The following ERC2 variants were observed in gnomAD, a reference collection of about 807,000 sequenced individuals.
ERC2 encodes ELKS/RAB6-interacting/CAST family member 2.
A neutral mutation model predicts 114.8 loss-of-function variants in ERC2; 42 were observed. The observed-to-expected ratio is 0.37, with a 90% CI of 0.29 to 0.47. The LOEUF is 0.47. Ranked by LOEUF, ERC2 falls within the 20% of genes least tolerant of loss-of-function variation. The pLI is 0.99. For synonymous variants in ERC2, 454 were observed against 425.5 expected (o/e 1.07, Z -0.82); for missense variants, 939 against 1,150.7 (o/e 0.82, Z 2.66).
chr3:55,849,287 A>C (rs559506515), intron 14 of ERC2, among the ~76,000 whole-genome samples: 82 of 152,190 alleles, frequency 5.4e-4, no homozygotes, highest in Non-Finnish European at 7.3e-4. Context: ...TGATCTGGAC[A>C]TGTAGGAAGT....
intron 4 of ERC2, 23 bp from the exon 5 acceptor site, chr3:56,149,155 A>G (rs1366364537): frequency 5.9e-6 from 9 of 1,524,988 alleles, no homozygotes; most frequent in Non-Finnish European, 7.9e-6. Flanking sequence ...AAGAAAAGAA[A>G]AAGAAAAATA....
chr3:55,739,568 G>A (rs1230247315), intron 14 of ERC2, among the ~76,000 whole-genome samples: 1 of 150,092 alleles, frequency 6.7e-6, no homozygotes, highest in Non-Finnish European at 1.5e-5. Flanking sequence ...CTTTTGAGAA[G>A]TGTCTGTTCA....
chr3:56,357,724 A>G (rs188954171), intron 2 of ERC2, among the ~76,000 whole-genome samples: 1 of 150,634 alleles, frequency 6.6e-6, no homozygotes, highest in East Asian at 1.9e-4. Flanking sequence ...AAAACGCCTG[A>G]TTTCATATTC....
chr3:56,053,936 C>T (rs956210086), intron 7 of ERC2, among the ~76,000 whole-genome samples: 9 of 152,050 alleles, frequency 5.9e-5, no homozygotes, highest in Non-Finnish European at 8.8e-5. Context: ...GATACAAAGA[C>T]GCAGACAGAC....
chr3:55,728,023 A>G (rs2065027430), intron 15 of ERC2, among the ~76,000 whole-genome samples: 1 of 152,146 alleles, frequency 6.6e-6, no homozygotes, highest in African/African-American at 2.4e-5. Context: ...TGGGGTGAGA[A>G]TTATGAGGCT....
chr3:56,179,677 C>T (rs2083181565), intron 3 of ERC2, among the ~76,000 whole-genome samples: 1 of 151,424 alleles, frequency 6.6e-6, no homozygotes, highest in Non-Finnish European at 1.5e-5. Flanking sequence ...AAGATGGCTC[C>T]AAGCCTCTTA....
chr3:56,425,509 C>G lies in ERC2; in HGVS notation c.657+8842G>C, dbSNP rs2061533264. Reference sequence around the variant, plus strand: ...GTAACCCCAAACTCCACACTTGATCCTTTCTGCAATTTTGTTACAAGAACT... The same window carrying G: ...GTAACCCCAAACTCCACACTTGATCGTTTCTGCAATTTTGTTACAAGAACT... On this transcript the variant is annotated intron_variant, in intron 2 of 17. Coordinates refer to ENST00000288221, the MANE Select transcript of ERC2 (RefSeq NM_015576.3). 2.6e-5 allele frequency among the ~76,000 whole-genome samples: 4 copies of G among 151,162 alleles called. No individual in the cohort carries two copies. The South Asian group carries it at 8.4e-4, about 32-fold the overall frequency.
At chr3:55,672,842 C>A (rs1450593290) in intron 17 of ERC2, among the ~76,000 whole-genome samples, 1 of 152,162 alleles carries the variant, frequency 6.6e-6, no homozygotes, top group Admixed American at 6.5e-5. Context: ...CATAAAGCTC[C>A]TGCAGGCTTC....
chr3:55,681,824 G>A (rs910651905), intron 17 of ERC2, among the ~76,000 whole-genome samples: 9 of 152,158 alleles, frequency 5.9e-5, no homozygotes, highest in Middle Eastern at 3.2e-3. Context: ...GATTTCCTAC[G>A]GGTCTTGGAG....
rs901580449 is a variant in ERC2 at position 55,993,206 on chromosome 3, T to G, written c.2062-956A>C. Among the ~76,000 whole-genome samples the G allele has an allele frequency of 2.0e-5, 3 of 152,320 alleles. No individual in the cohort carries two copies. The South Asian group carries it at 6.2e-4, about 32-fold the overall frequency. ...GCAGGCAGGGAAAAAACAAGTAGTT[T>G]ATACAACAGTGCACATTCAACATAG... On this transcript the variant is annotated intron_variant, in intron 10 of 17. Coordinates refer to ENST00000288221, the MANE Select transcript of ERC2 (RefSeq NM_015576.3).
chr3:55,990,573 C>T (rs559175202), intron 11 of ERC2, among the ~76,000 whole-genome samples: 227 of 152,184 alleles, frequency 1.5e-3, no homozygotes, highest in African/African-American at 4.9e-3. Flanking sequence ...CACAGGCACA[C>T]ATTACCATAC....
At chr3:55,739,879 T>C (rs961992958) in intron 14 of ERC2, among the ~76,000 whole-genome samples, 8 of 152,196 alleles carry the variant, frequency 5.3e-5, no homozygotes, top group Non-Finnish European at 1.0e-4. Flanking sequence ...CTAGAGTTTT[T>C]ATGGTTTTAG....
chr3:56,420,061 T>C (rs115384230), intron 2 of ERC2, among the ~76,000 whole-genome samples: 1 of 152,238 alleles, frequency 6.6e-6, no homozygotes, highest in African/African-American at 2.4e-5. Context: ...TTATTTCACA[T>C]GGATATTTTA....
intron 6 of ERC2, among the ~76,000 whole-genome samples, chr3:56,132,996 T>C (rs185432961): frequency 2.4e-3 from 361 of 152,364 alleles, no homozygotes; most frequent in Non-Finnish European, 3.7e-3. Flanking sequence ...ATAGCCATAA[T>C]GTTACCACGA....
intron 17 of ERC2, among the ~76,000 whole-genome samples, chr3:55,549,449 A>G (rs932178166): frequency 1.3e-5 from 2 of 148,798 alleles, no homozygotes; most frequent in Admixed American, 1.3e-4. Context: ...CAATATGGAA[A>G]CCAGATGCGG....
At position 56,139,682 on chromosome 3, in the gene ERC2, AAAC is replaced by A. The variant is rs751123484; in HGVS notation, c.1306-9_1306-7del. The A allele has an allele frequency of 1.3e-5, 21 of 1,585,670 alleles. No individual in the cohort carries two copies. The highest frequency in any genetic ancestry group is 5.4e-5 in the African/African-American group (4 of 74,408). On this transcript the variant is annotated splice_polypyrimidine_tract_variant and splice_region_variant and intron_variant, in intron 5 of 17. Transcript: ENST00000288221. ...TCCTGCTTCAGCTGATCAATCTGCA[AAAC>A]AACAACAAAATTGCAAGAAATTAGA... is the stretch of plus-strand genomic sequence containing the variant.
At chr3:56,212,681 G>A (rs2049144321) in intron 3 of ERC2, among the ~76,000 whole-genome samples, 2 of 152,096 alleles carry the variant, frequency 1.3e-5, no homozygotes, top group Non-Finnish European at 2.9e-5. Context: ...ATTTGCAATT[G>A]CAAAAATATG....
At chr3:55,769,625 TA>T (rs1288165311) in intron 14 of ERC2, among the ~76,000 whole-genome samples, 1 of 152,216 alleles carries the variant, frequency 6.6e-6, no homozygotes, top group East Asian at 1.9e-4. Flanking sequence ...TCTTTTCAGA[TA>T]AAAAAAGTTG....
intron 14 of ERC2, among the ~76,000 whole-genome samples, chr3:55,823,533 C>G (rs978639174): frequency 1.3e-5 from 2 of 152,074 alleles, no homozygotes; most frequent in African/African-American, 2.4e-5. Context: ...TCCTCACCCC[C>G]ACAACAAATG....
Sources: gnomAD v4.1 joint callset for allele counts (sites outside exome capture counted in the v4.1 genomes callset) on GRCh38, gnomAD v4.1.1 for gene constraint, MANE v1.5 for transcripts, NCBI Gene and HGNC (gene_info 2026-07-23, HGNC 2026-07-21) for gene names.